The following GALNTL6 variants were observed in gnomAD, a reference collection of about 807,000 sequenced individuals.
GALNTL6 encodes the protein polypeptide N-acetylgalactosaminyltransferase like 6, also known as polypeptide N-acetylgalactosaminyltransferase-like 6.
In GALNTL6, 46 loss-of-function variants were observed where a neutral mutation model predicts 73.7. That is an observed-to-expected ratio of 0.62 (90% CI 0.49 to 0.80). The LOEUF (loss-of-function observed/expected upper bound fraction) is 0.80. Ranked by LOEUF, GALNTL6 falls within the 30% of genes least tolerant of loss-of-function variation. The pLI, the probability that GALNTL6 is intolerant of heterozygous loss-of-function variation, is 0.00. For missense variants in GALNTL6, 604 were observed against 755.0 expected, an observed-to-expected ratio of 0.80 and a Z score of 2.34; for synonymous variants, 259 against 263.7, an observed-to-expected ratio of 0.98 and a Z score of 0.17.
chr4:171,937,302 A>C (rs1738379704), intron 2 of GALNTL6, among the ~76,000 whole-genome samples: 1 of 152,186 alleles, frequency 6.6e-6, no homozygotes, highest in South Asian at 2.1e-4. Context: ...ATTACATCTC[A>C]GAAATTTTTC....
intron 2 of GALNTL6, among the ~76,000 whole-genome samples, chr4:171,943,992 A>C (rs1374236984): frequency 6.6e-6 from 1 of 152,102 alleles, no homozygotes; most frequent in Non-Finnish European, 1.5e-5. Flanking sequence ...ATAGAAGAAC[A>C]TATTATATCC....
At chr4:172,461,850 G>A (rs1163857617) in intron 5 of GALNTL6, among the ~76,000 whole-genome samples, 3 of 152,182 alleles carry the variant, frequency 2.0e-5, no homozygotes, top group African/African-American at 7.2e-5. Context: ...TGCCCAGATA[G>A]CCAGTAAAAC....
intron 5 of GALNTL6, among the ~76,000 whole-genome samples, chr4:172,557,034 A>T (rs762791202): frequency 9.2e-5 from 14 of 152,144 alleles, no homozygotes; most frequent in Non-Finnish European, 1.9e-4. Flanking sequence ...CAGAACATGA[A>T]TGTTCAGTAA....
intron 5 of GALNTL6, among the ~76,000 whole-genome samples, chr4:172,661,585 G>C (rs995210825): frequency 6.6e-6 from 1 of 152,120 alleles, no homozygotes; most frequent in African/African-American, 2.4e-5. Context: ...CTAGCATTGT[G>C]AGACTTTAGT....
chr4:171,846,244 C>A (rs1735365198), intron 2 of GALNTL6, among the ~76,000 whole-genome samples: 1 of 152,142 alleles, frequency 6.6e-6, no homozygotes, highest in South Asian at 2.1e-4. Flanking sequence ...TATTTAAAAT[C>A]CTAAAACCAG....
intron 2 of GALNTL6, among the ~76,000 whole-genome samples, chr4:171,888,193 A>G (rs1049631554): frequency 7.9e-5 from 12 of 151,924 alleles, no homozygotes; most frequent in Non-Finnish European, 1.8e-4. Context: ...GTGAGAATTT[A>G]ATAACTTTTC....
At chr4:172,261,311 A>G (rs905663175) in intron 3 of GALNTL6, among the ~76,000 whole-genome samples, 3 of 151,006 alleles carry the variant, frequency 2.0e-5, no homozygotes, top group South Asian at 2.1e-4. Flanking sequence ...CATAGTTTCT[A>G]TTTCTTCCTG....
intron 10 of GALNTL6, among the ~76,000 whole-genome samples, chr4:172,994,548 T>G (rs1002478444): frequency 2.6e-5 from 4 of 152,224 alleles, no homozygotes; most frequent in Admixed American, 1.3e-4. Context: ...CATTACAGTT[T>G]CATATGCCAA....
At chr4:172,598,179 G>T (rs1308820401) in intron 5 of GALNTL6, among the ~76,000 whole-genome samples, 2 of 151,832 alleles carry the variant, frequency 1.3e-5, no homozygotes, top group Non-Finnish European at 2.9e-5. Flanking sequence ...ATTATACATA[G>T]GCCATCTGCC....
Position 172,629,567 on chromosome 4 carries a change from A to G in GALNTL6, c.554-179794A>G, listed in dbSNP as rs939058038. On this transcript the variant is annotated intron_variant, in intron 5 of 12. Transcript: ENST00000506823. ...AAAATTTCTAATTACATTTTTATCT[A>G]TGATAAAAAGTACAAAATTTAAAAT... 2.6e-5 allele frequency among the ~76,000 whole-genome samples: 4 copies of G among 152,190 alleles called. No individual in the cohort carries two copies. The South Asian group carries it at 8.3e-4, about 32-fold the overall frequency.
intron 5 of GALNTL6, among the ~76,000 whole-genome samples, chr4:172,592,202 G>T (rs2111001878): frequency 6.6e-6 from 1 of 152,318 alleles, no homozygotes; most frequent in African/African-American, 2.4e-5. Context: ...ACATGGCAGA[G>T]AAGGTCAAAG....
Position 172,388,824 on chromosome 4 carries a change from C to T in GALNTL6, c.553+40135C>T, listed in dbSNP as rs79825676. Among the ~76,000 whole-genome samples, 132 of 152,122 alleles carry T rather than the reference C, an allele frequency of 8.7e-4. No homozygotes were observed. The East Asian group carries it at 0.022, about 26-fold the overall frequency. Reference sequence around the variant, plus strand: ...TGTATTTAGTGTTAGCAACCTGCTTCGGGGGTAGCGGGTACCATACTTACA... The same window carrying T: ...TGTATTTAGTGTTAGCAACCTGCTTTGGGGGTAGCGGGTACCATACTTACA... On this transcript the variant is annotated intron_variant, in intron 5 of 12. Coordinates refer to ENST00000506823, the MANE Select transcript of GALNTL6 (RefSeq NM_001034845.3).
Position 172,396,500 on chromosome 4 carries a change from A to G in GALNTL6, c.553+47811A>G, listed in dbSNP as rs191939156. Among the ~76,000 whole-genome samples, 25 of 152,224 alleles carry G rather than the reference A, an allele frequency of 1.6e-4. No homozygotes were observed. In the East Asian group the frequency reaches 4.3e-3, roughly 26 times the overall value. On this transcript the variant is annotated intron_variant, in intron 5 of 12. Transcript: ENST00000506823. The stretch of plus-strand genomic sequence containing the variant: ...CTTCCAATAGTGTTTATGGAAGTGC[A>G]AGCCAAGTGAGGGGTTTCTGAAAAT...
intron 8 of GALNTL6, among the ~76,000 whole-genome samples, chr4:172,893,600 T>A (rs920745270): frequency 6.6e-6 from 1 of 152,130 alleles, no homozygotes; most frequent in East Asian, 1.9e-4. Flanking sequence ...CTTGGGAAGA[T>A]CTGGTGGACA....
chr4:172,339,289 A>ACG lies in GALNTL6; in HGVS notation c.387-9233_387-9232insGC, dbSNP rs1741472828. Among the ~76,000 whole-genome samples, 3 of 150,668 alleles carry ACG rather than the reference A, an allele frequency of 2.0e-5. No homozygotes were observed. In the East Asian group the frequency reaches 5.9e-4, roughly 30 times the overall value. On this transcript the variant is annotated intron_variant, in intron 4 of 12. Coordinates refer to ENST00000506823, the MANE Select transcript of GALNTL6 (RefSeq NM_001034845.3). ...CACACACACACACACACACACACAC[A>ACG]CACACACACACACACACACACACAC... is the stretch of plus-strand genomic sequence containing the variant.
At chr4:172,475,573 G>A (rs561665051) in intron 5 of GALNTL6, among the ~76,000 whole-genome samples, 106 of 152,228 alleles carry the variant, frequency 7.0e-4, no homozygotes, top group African/African-American at 2.4e-3. Context: ...TCAATTTGGA[G>A]ACAGAAATAT....
At chr4:172,665,500 A>G (rs1381888720) in intron 5 of GALNTL6, among the ~76,000 whole-genome samples, 1 of 152,248 alleles carries the variant, frequency 6.6e-6, no homozygotes. Context: ...GAAGTAAAAA[A>G]GAATTGATGA....
chr4:172,403,975 A>G (rs1006444432), intron 5 of GALNTL6, among the ~76,000 whole-genome samples: 5 of 152,002 alleles, frequency 3.3e-5, no homozygotes, highest in Non-Finnish European at 5.9e-5. Flanking sequence ...TCCATTGAAA[A>G]TTATTTTTTA....
chr4:171,973,766 C>T (rs945706742), intron 2 of GALNTL6, among the ~76,000 whole-genome samples: 3 of 152,070 alleles, frequency 2.0e-5, no homozygotes, highest in South Asian at 4.2e-4. Flanking sequence ...TATAGATGTT[C>T]AGTAAATAAT....
Sources: allele counts gnomAD v4.1 joint callset (sites outside exome capture counted in the v4.1 genomes callset), GRCh38; gene constraint gnomAD v4.1.1; transcripts MANE v1.5; gene names NCBI Gene and HGNC (gene_info 2026-07-23, HGNC 2026-07-21).